Variants in SLITRK5 observed in about 807,000 individuals in gnomAD.
The protein encoded by SLITRK5 is SLIT and NTRK-like protein 5.
In SLITRK5, 23 loss-of-function variants were observed where a neutral mutation model predicts 56.2. The observed-to-expected ratio is 0.41, with a 90% CI of 0.29 to 0.58. The LOEUF (loss-of-function observed/expected upper bound fraction) is 0.58. Ranked by LOEUF, SLITRK5 falls within the 20% of genes least tolerant of loss-of-function variation. The probability of loss-of-function intolerance (pLI) is 0.30; values close to 1 mark genes in which losing one functional copy is unlikely to be tolerated. For missense variants in SLITRK5, 1,289 were observed against 1,226.6 expected, an observed-to-expected ratio of 1.05 and a Z score of -0.76; for synonymous variants, 637 against 531.8, an observed-to-expected ratio of 1.20 and a Z score of -2.72.
chr13:87,675,844 G>A lies in SLITRK5; in HGVS notation c.456G>A (p.Leu152=). The A allele has an allele frequency of 6.2e-7, 1 of 1,614,092 alleles. No homozygotes were observed. The highest frequency in any genetic ancestry group is 8.5e-7 in the Non-Finnish European group (1 of 1,180,024). Residue 152 remains leucine, a synonymous_variant, in exon 2 of 2, where the codon TTG becomes TTA. Transcript: ENST00000683689. Reference sequence around the variant, plus strand: ...TGCGAGATGATACCTTCCTTGGCTTGGAGAACCTGGAGTACCTACAGGTCG... The same window carrying A: ...TGCGAGATGATACCTTCCTTGGCTTAGAGAACCTGGAGTACCTACAGGTCG... ...ELLRDDTFLG[L]ENLEYLQVDY...
rs1455000324 is a variant in SLITRK5 at position 87,676,299 on chromosome 13, G to A, written c.911G>A (p.Gly304Glu). 1 of 1,613,992 alleles carries A rather than the reference G, an allele frequency of 6.2e-7. No homozygotes were observed. The highest frequency in any genetic ancestry group is 8.5e-7 in the Non-Finnish European group (1 of 1,180,002). The change falls in exon 2 of 2, where the codon GGG becomes GAG. Residue 304 changes from glycine (G) to glutamate (E), a missense_variant. By Grantham distance (98) the Gly-to-Glu change is moderately conservative. Transcript: ENST00000683689. The part of the protein sequence containing the change: ...MRPQTPLSTT[G>E]YLHTTPASVN... Reference sequence around the variant, plus strand: ...CCGCAGACGCCTTTGAGCACCACGGGGTATTTACACACCACCCCGGCGTCA... The same window carrying A: ...CCGCAGACGCCTTTGAGCACCACGGAGTATTTACACACCACCCCGGCGTCA...
chr13:87,671,837 C>T lies in SLITRK5; in HGVS notation c.-381C>T, dbSNP rs573467168. On this transcript the variant is annotated 5_prime_UTR_variant, in exon 1 of 2. Transcript: ENST00000683689. ...GCGCGGAGACAGCGTCGGCGGGATC[C>T]CAGCGCGGTGGTCGCCGCTGCGCTG... is the stretch of plus-strand genomic sequence containing the variant. 1.9e-3 allele frequency among the ~76,000 whole-genome samples: 291 copies of T among 152,130 alleles called. No homozygotes were observed. The highest frequency in any genetic ancestry group is 4.4e-3 in the South Asian group (21 of 4,822).
Position 87,676,228 on chromosome 13 carries a change from G to A in SLITRK5, c.840G>A (p.Lys280=). 6.2e-7 allele frequency: 1 copy of A among 1,614,110 alleles called. No homozygotes were observed. Among genetic ancestry groups the A allele is most frequent in the South Asian group, 1.1e-5 (1 of 91,084 alleles). ...GAAGGGACTTGGACGAGGTATCCAA[G>A]CAGGAACTTTGCCCAAGGAGACTTA... ...LHGRDLDEVS[K]QELCPRRLIS... is the part of the protein sequence containing the mutation. The change falls in exon 2 of 2, where the codon AAG becomes AAA. Residue 280 remains lysine (K), a synonymous_variant. Coordinates refer to ENST00000683689, the MANE Select transcript of SLITRK5 (RefSeq NM_001384609.1).
At position 87,677,754 on chromosome 13, in the gene SLITRK5, A is replaced by G; in HGVS notation, c.2366A>G (p.Asn789Ser). 2 of 1,612,488 alleles carry G rather than the reference A, an allele frequency of 1.2e-6. No individual in the cohort carries two copies. The highest frequency in any genetic ancestry group is 1.7e-6 in the Non-Finnish European group (2 of 1,179,364). The change falls in exon 2 of 2, where the codon AAC (asparagine) becomes AGC (serine). Residue 789 changes from asparagine to serine, a missense_variant. Around this residue, in one of 3 missense-constraint regions of SLITRK5, gnomAD observed 985 missense variants for 906.0 expected, o/e 1.09. Coordinates refer to ENST00000683689, the MANE Select transcript of SLITRK5 (RefSeq NM_001384609.1). The surrounding 1 kb of genome is among the most constrained non-coding windows in gnomAD (Gnocchi z 4.7). ...GAGCTCAAGGTCACCTACAGCAGCA[A>G]CCACCACCTGCAGCAGCAGCAGCAG... ...LHELKVTYSS[N>S]HHLQQQQQPP...
chr13:87,677,976 A>G lies in SLITRK5; in HGVS notation c.2588A>G (p.Lys863Arg), dbSNP rs1213048749. ...RFYRGILEPD[K>R]HCSTTPAGNS... The stretch of plus-strand genomic sequence containing the variant: ...TACAGGGGCATTTTAGAACCAGACA[A>G]ACACTGCTCCACCACCCCCGCCGGC... The change falls in exon 2 of 2, where the codon AAA becomes AGA. Residue 863 changes from lysine to arginine, a missense_variant. Around this residue, in one of 3 missense-constraint regions of SLITRK5, gnomAD observed 985 missense variants for 906.0 expected, o/e 1.09. Coordinates refer to ENST00000683689, the MANE Select transcript of SLITRK5 (RefSeq NM_001384609.1). The surrounding 1 kb of genome is among the most constrained non-coding windows in gnomAD (Gnocchi z 4.7). The G allele has an allele frequency of 1.2e-6, 2 of 1,613,916 alleles. No homozygotes were observed. The highest frequency in any genetic ancestry group is 2.2e-5 in the East Asian group (1 of 44,840).
chr13:87,673,161 T>C lies in SLITRK5; in HGVS notation c.-9+952T>C, dbSNP rs574631508. Among the ~76,000 whole-genome samples the C allele has an allele frequency of 9.2e-5, 14 of 151,670 alleles. No homozygotes were observed. In the South Asian group the frequency reaches 2.3e-3, roughly 25 times the overall value. On this transcript the variant is annotated intron_variant, in intron 1 of 1. Transcript: ENST00000683689. ...GGCGGTGATCCAGTATCTAAATTCT[T>C]TGGGAGAAAATGAATAGTTCCCCCG...
Position 87,676,260 on chromosome 13 carries a change from A to T in SLITRK5, c.872A>T (p.Asp291Val). The change falls in exon 2 of 2, where the codon GAC becomes GTC. Residue 291 changes from aspartate to valine, a missense_variant. By Grantham distance (152) the Asp-to-Val change is radical (BLOSUM62 -3). This residue lies in a region of SLITRK5 where 985 missense variants were observed against 906.0 expected (regional missense o/e 1.09). Transcript: ENST00000683689. ...CTTTGCCCAAGGAGACTTATTTCTG[A>T]CTACGAGATGAGGCCGCAGACGCCT... ...QELCPRRLIS[D>V]YEMRPQTPLS... is the part of the protein sequence containing the mutation. 6.2e-7 allele frequency: 1 copy of T among 1,614,052 alleles called. No homozygotes were observed. Among genetic ancestry groups the T allele is most frequent in the Non-Finnish European group, 8.5e-7 (1 of 1,180,012 alleles).
chr13:87,675,386 A>G lies in SLITRK5; in HGVS notation c.-3A>G, dbSNP rs1383408412. On this transcript the variant is annotated 5_prime_UTR_variant, in exon 2 of 2. Transcript: ENST00000683689. ...GTTTTCTCTCTCCCTTACAGGAGGT[A>G]AAATGCACACTTGCTGCCCCCCAGT... 6.2e-6 allele frequency: 10 copies of G among 1,612,456 alleles called. No individual in the cohort carries two copies. Among genetic ancestry groups the G allele is most frequent in the South Asian group, 1.1e-5 (1 of 91,056 alleles).
At position 87,677,766 on chromosome 13, in the gene SLITRK5, A is replaced by C. The variant is rs757650023; in HGVS notation, c.2378A>C (p.Gln793Pro). ...ACCTACAGCAGCAACCACCACCTGC[A>C]GCAGCAGCAGCAGCCGCCGCCGCCA... The part of the protein sequence containing the change: ...KVTYSSNHHL[Q>P]QQQQPPPPPQ... Residue 793 changes from glutamine (Q) to proline (P), a missense_variant, in exon 2 of 2, where the codon CAG (glutamine) becomes CCG (proline). This residue lies in a region of SLITRK5 where 985 missense variants were observed against 906.0 expected (regional missense o/e 1.09). Transcript: ENST00000683689. This position sits in a 1 kb window ranked among gnomAD's most constrained non-coding sequence, Gnocchi z 4.7. 6 of 1,594,696 alleles carry C rather than the reference A, an allele frequency of 3.8e-6. No individual in the cohort carries two copies. The highest frequency in any genetic ancestry group is 5.1e-6 in the Non-Finnish European group (6 of 1,165,116).
In SLITRK5 at chr13:87,671,631, C is replaced by A. The variant is rs1049873772; in HGVS notation, c.-587C>A. 2.6e-5 allele frequency among the ~76,000 whole-genome samples: 4 copies of A among 152,204 alleles called. No homozygotes were observed. The highest frequency in any genetic ancestry group is 3.4e-3 in the Middle Eastern group (1 of 294). ...AACGACGCGGTTGCTGCCCGCCCCCCCCTTCCCCCAGAAACCCCAAAGGAT... is the reference window on the plus strand; with the variant it reads ...AACGACGCGGTTGCTGCCCGCCCCCACCTTCCCCCAGAAACCCCAAAGGAT... On this transcript the variant is annotated 5_prime_UTR_variant, in exon 1 of 2. Transcript: ENST00000683689.
In SLITRK5 at chr13:87,675,957, C is replaced by A. The variant is rs769118923; in HGVS notation, c.569C>A (p.Ser190Tyr). Residue 190 changes from serine to tyrosine, a missense_variant, in exon 2 of 2, where the codon TCC becomes TAC. Around this residue, in one of 3 missense-constraint regions of SLITRK5, gnomAD observed 291 missense variants for 286.7 expected, o/e 1.02. Transcript: ENST00000683689. ...QVLILNDNLL[S>Y]SLPNNLFRFV... is the part of the protein sequence containing the mutation. Reference sequence around the variant, plus strand: ...CTTATCCTCAATGACAATCTTTTGTCCAGTTTACCCAACAATCTTTTCCGT... The same window carrying A: ...CTTATCCTCAATGACAATCTTTTGTACAGTTTACCCAACAATCTTTTCCGT... 6.2e-7 allele frequency: 1 copy of A among 1,614,128 alleles called. No individual in the cohort carries two copies. Among genetic ancestry groups the A allele is most frequent in the Non-Finnish European group, 8.5e-7 (1 of 1,180,036 alleles).
rs765851083 is a variant in SLITRK5, at chr13:87,676,427, C to G, written c.1039C>G (p.Arg347Gly). ...CAAGCCCAGGGTGCGCCCCACCTCTCGGCAGCCCTCTAAGGACTTGGGCTA... is the reference window on the plus strand; with the variant it reads ...CAAGCCCAGGGTGCGCCCCACCTCTGGGCAGCCCTCTAAGGACTTGGGCTA... ...PNKPRVRPTSRQPSKDLGYSN... is the reference protein window; with the variant it reads ...PNKPRVRPTSGQPSKDLGYSN... The change falls in exon 2 of 2, where the codon CGG (arginine) becomes GGG (glycine). Residue 347 changes from arginine to glycine, a missense_variant. Arg to Gly is a moderately radical substitution (Grantham distance 125, BLOSUM62 -2). Coordinates refer to ENST00000683689, the MANE Select transcript of SLITRK5 (RefSeq NM_001384609.1). 2 of 1,613,992 alleles carry G rather than the reference C, an allele frequency of 1.2e-6. No homozygotes were observed. The highest frequency in any genetic ancestry group is 3.3e-5 in the Admixed American group (2 of 60,002).
chr13:87,674,065 T>C lies in SLITRK5; in HGVS notation c.-8-1316T>C, dbSNP rs189292363. On this transcript the variant is annotated intron_variant, in intron 1 of 1. Coordinates refer to ENST00000683689, the MANE Select transcript of SLITRK5 (RefSeq NM_001384609.1). ...ACGCTCATTCCATTTATGTCCTTCCTTTAAGAGTGCTGCTGTTGATCAGAA... is the reference window on the plus strand; with the variant it reads ...ACGCTCATTCCATTTATGTCCTTCCCTTAAGAGTGCTGCTGTTGATCAGAA... 2.8e-3 allele frequency among the ~76,000 whole-genome samples: 425 copies of C among 151,540 alleles called. 5 individuals are homozygous for C. Among genetic ancestry groups the C allele is most frequent in the Non-Finnish European group, 1.5e-3 (104 of 67,906 alleles).
At position 87,676,673 on chromosome 13, in the gene SLITRK5, T is replaced by C. The variant is rs1467482617; in HGVS notation, c.1285T>C (p.Phe429Leu). Residue 429 changes from phenylalanine to leucine, a missense_variant, in exon 2 of 2, where the codon TTC (phenylalanine) becomes CTC (leucine). Coordinates refer to ENST00000683689, the MANE Select transcript of SLITRK5 (RefSeq NM_001384609.1). Reference protein sequence around the residue: ...NYIAVVRRTDFLEATGLDLLH... With the variant: ...NYIAVVRRTDLLEATGLDLLH... ...CATCGCTGTCGTGCGCAGGACAGAC[T>C]TCCTGGAGGCCACGGGGCTGGACCT... 2.5e-6 allele frequency: 4 copies of C among 1,614,010 alleles called. No individual in the cohort carries two copies. Among genetic ancestry groups the C allele is most frequent in the Non-Finnish European group, 3.4e-6 (4 of 1,180,014 alleles).
Position 87,675,860 on chromosome 13 carries a change from C to T in SLITRK5, c.472C>T (p.Leu158=). The T allele has an allele frequency of 1.2e-6, 2 of 1,614,126 alleles. No individual in the cohort carries two copies. Among genetic ancestry groups the T allele is most frequent in the Non-Finnish European group, 1.7e-6 (2 of 1,180,030 alleles). Residue 158 remains leucine, a synonymous_variant, in exon 2 of 2, where the codon CTA becomes TTA. Coordinates refer to ENST00000683689, the MANE Select transcript of SLITRK5 (RefSeq NM_001384609.1). ...CCTTGGCTTGGAGAACCTGGAGTAC[C>T]TACAGGTCGATTACAACTACATCAG... The part of the protein sequence containing the change: ...TFLGLENLEY[L]QVDYNYISVI...
Position 87,677,929 on chromosome 13 carries a change from G to T in SLITRK5, c.2541G>T (p.Pro847=). 1 of 1,613,660 alleles carries T rather than the reference G, an allele frequency of 6.2e-7. No homozygotes were observed. The highest frequency in any genetic ancestry group is 8.5e-7 in the Non-Finnish European group (1 of 1,179,810). ...AGCCCCGGGAGGACCTGCTGTCGCC[G>T]GTGCAGGACGCCGACCGCTTTTACA... The part of the protein sequence containing the change: ...TIEPREDLLS[P]VQDADRFYRG... The change falls in exon 2 of 2, where the codon CCG becomes CCT. Residue 847 remains proline, a synonymous_variant. Transcript: ENST00000683689. This position sits in a 1 kb window ranked among gnomAD's most constrained non-coding sequence, Gnocchi z 4.7.
At position 87,677,890 on chromosome 13, in the gene SLITRK5, C is replaced by G. The variant is rs1337766861; in HGVS notation, c.2502C>G (p.Ser834Arg). The change falls in exon 2 of 2, where the codon AGC (serine) becomes AGG (arginine). Residue 834 changes from serine to arginine, a missense_variant. Coordinates refer to ENST00000683689, the MANE Select transcript of SLITRK5 (RefSeq NM_001384609.1). The surrounding 1 kb of genome is among the most constrained non-coding windows in gnomAD (Gnocchi z 4.7). ...ESHHLRSPAYSVSTIEPREDL... is the reference protein window; with the variant it reads ...ESHHLRSPAYRVSTIEPREDL... ...ACCACTTGCGGAGCCCCGCCTACAG[C>G]GTCAGCACCATCGAGCCCCGGGAGG... The G allele has an allele frequency of 1.2e-6, 2 of 1,612,754 alleles. No individual in the cohort carries two copies. Among genetic ancestry groups the G allele is most frequent in the Non-Finnish European group, 1.7e-6 (2 of 1,179,492 alleles).
chr13:87,678,217 G>A lies in SLITRK5; in HGVS notation c.2829G>A (p.Pro943=), dbSNP rs771423229. The stretch of plus-strand genomic sequence containing the variant: ...TAAAAGCAAAACTAAACGTTGAGCC[G>A]GACTACCTCGAAGTGCTGGAAAAAC... ...LELKAKLNVE[P]DYLEVLEKQT... The change falls in exon 2 of 2, where the codon CCG becomes CCA. Residue 943 remains proline, a synonymous_variant. Coordinates refer to ENST00000683689, the MANE Select transcript of SLITRK5 (RefSeq NM_001384609.1). 3 of 1,613,996 alleles carry A rather than the reference G, an allele frequency of 1.9e-6. No individual in the cohort carries two copies. The highest frequency in any genetic ancestry group is 1.3e-5 in the African/African-American group (1 of 75,032).
At position 87,678,376 on chromosome 13, in the gene SLITRK5, C is replaced by T; in HGVS notation, c.*111C>T. On this transcript the variant is annotated 3_prime_UTR_variant, in exon 2 of 2. Transcript: ENST00000683689. ...TGTTTCAACGTTTAGGGTGAAGTGC[C>T]TTGGCACGGGATTTCTCAGCTTCGG... 1 of 1,079,310 alleles carries T rather than the reference C, an allele frequency of 9.3e-7. No homozygotes were observed. Among genetic ancestry groups the T allele is most frequent in the Non-Finnish European group, 1.3e-6 (1 of 743,300 alleles). 66.9% of individuals were successfully genotyped at this position (1,079,310 alleles called of 1,614,324 possible).
Sources: gnomAD v4.1 joint callset for allele counts (sites outside exome capture counted in the v4.1 genomes callset) on GRCh38, gnomAD v4.1.1 for gene constraint, gnomAD v4.1.1 regional missense constraint, Gnocchi (gnomAD v3.1) non-coding constraint, MANE v1.5 for transcripts, NCBI Gene and HGNC (gene_info 2026-07-23, HGNC 2026-07-21) for gene names.